CDH4: variants seen among roughly 807,000 people sequenced by gnomAD.
CDH4 encodes the protein cadherin 4, also known as cadherin-4.
Under a neutral mutation model 86.0 loss-of-function variants are expected in CDH4, and 33 were observed. The ratio of observed to expected loss-of-function variants is 0.38; its 90% CI spans 0.29 to 0.51. The LOEUF (loss-of-function observed/expected upper bound fraction) is 0.51, where lower values mean the gene tolerates loss of function less well. CDH4 is among the 20% of genes least tolerant of loss of function. The pLI, the probability that CDH4 is intolerant of heterozygous loss-of-function variation, is 0.86. For missense variants in CDH4, 1,114 were observed against 1,307.4 expected, an observed-to-expected ratio of 0.85 and a Z score of 2.28; for synonymous variants, 555 against 549.4, an observed-to-expected ratio of 1.01 and a Z score of -0.14.
chr20:61,844,132 A>G (rs1005783602), intron 4 of CDH4, among the ~76,000 whole-genome samples: 1 of 152,154 alleles, frequency 6.6e-6, no homozygotes, highest in Non-Finnish European at 1.5e-5. Context: ...ATCCCAAGTA[A>G]AACTCAGAGT....
At chr20:61,589,292 G>T (rs978470772) in intron 2 of CDH4, among the ~76,000 whole-genome samples, 3 of 152,190 alleles carry the variant, frequency 2.0e-5, no homozygotes, top group African/African-American at 7.2e-5. Flanking sequence ...TTCTGTCTAA[G>T]CATGAAGAGA....
intron 4 of CDH4, among the ~76,000 whole-genome samples, chr20:61,833,830 T>TA (rs1266255668): frequency 6.6e-6 from 1 of 152,180 alleles, no homozygotes; most frequent in Non-Finnish European, 1.5e-5. Flanking sequence ...AGGCTGGATT[T>TA]AAAAAATCCC....
intron 2 of CDH4, chr20:61,738,891 A>T (rs1040296375): frequency 6.6e-6 from 1 of 152,462 alleles, no homozygotes; most frequent in African/African-American, 2.4e-5. Flanking sequence ...TATCTGCGAG[A>T]TGGGCCAGTT....
chr20:61,565,516 G>A (rs1031129651), intron 2 of CDH4, among the ~76,000 whole-genome samples: 3 of 152,012 alleles, frequency 2.0e-5, no homozygotes, highest in Non-Finnish European at 2.9e-5. Flanking sequence ...GCTGTTTCAG[G>A]CATTTCTTCC....
chr20:61,848,118 C>T (rs1982541680), intron 5 of CDH4, among the ~76,000 whole-genome samples: 1 of 152,260 alleles, frequency 6.6e-6, no homozygotes, highest in African/African-American at 2.4e-5. Flanking sequence ...CTGCAGCAAA[C>T]CCCCAGAAAG....
chr20:61,574,444 G>A (rs1373116650), intron 2 of CDH4, among the ~76,000 whole-genome samples: 2 of 152,212 alleles, frequency 1.3e-5, no homozygotes, highest in East Asian at 3.9e-4. Flanking sequence ...ATTGCTGCCA[G>A]AGACAGAGTT....
At chr20:61,857,674 C>T (rs1418334736) in intron 6 of CDH4, among the ~76,000 whole-genome samples, 2 of 152,224 alleles carry the variant, frequency 1.3e-5, no homozygotes, top group African/African-American at 2.4e-5. Flanking sequence ...AATGACTTCT[C>T]AAAAAATCTT....
intron 2 of CDH4, chr20:61,718,013 C>T (rs901698933): frequency 5.2e-5 from 8 of 152,422 alleles, no homozygotes; most frequent in African/African-American, 1.9e-4. Flanking sequence ...TCACACATCA[C>T]ATCCTCAGCA....
rs1040160642 is a variant in CDH4, at chr20:61,459,427, C to A, written c.169+204490C>A. 4.0e-5 allele frequency among the ~76,000 whole-genome samples: 6 copies of A among 151,628 alleles called. 1 individual carries two copies. The highest frequency in any genetic ancestry group is 2.6e-4 in the Admixed American group (4 of 15,198). On this transcript the variant is annotated intron_variant, in intron 2 of 15. Coordinates refer to ENST00000614565, the MANE Select transcript of CDH4 (RefSeq NM_001794.5). ...CCCACCTGATCACACTGCAGTTCTT[C>A]ACTGGTCACGTATTGGTATTGTGTA...
At position 61,902,690 on chromosome 20, in the gene CDH4, C is replaced by T. The variant is rs35437603; in HGVS notation, c.1188+7643C>T. ...TCCCAATAAACTTTATTTACAAAAA[C>T]AAAAAGATTCAGGCCACAGGCTTGT... On this transcript the variant is annotated intron_variant, in intron 8 of 15. Coordinates refer to ENST00000614565, the MANE Select transcript of CDH4 (RefSeq NM_001794.5). This position sits in a 1 kb window ranked among gnomAD's most constrained non-coding sequence, Gnocchi z 4.6. Among the ~76,000 whole-genome samples the T allele has an allele frequency of 0.049, 7,530 of 152,248 alleles. 215 individuals carry two copies. The highest frequency in any genetic ancestry group is 0.062 in the Non-Finnish European group (4,188 of 68,006).
At chr20:61,808,744 A>G (rs1020223804) in intron 4 of CDH4, among the ~76,000 whole-genome samples, 1 of 152,222 alleles carries the variant, frequency 6.6e-6, no homozygotes, top group Non-Finnish European at 1.5e-5. Flanking sequence ...CATATTGTCC[A>G]GTCCAGGCGC....
At chr20:61,467,528 C>T (rs767604714) in intron 2 of CDH4, among the ~76,000 whole-genome samples, 5 of 152,130 alleles carry the variant, frequency 3.3e-5, no homozygotes, top group East Asian at 1.9e-4. Flanking sequence ...AGGCCAAGGC[C>T]GAAGGATCTC....
At chr20:61,499,281 C>A (rs1003546391) in intron 2 of CDH4, 47 of 177,034 alleles carry the variant, frequency 2.7e-4, no homozygotes, top group African/African-American at 1.0e-3. Context: ...GGGGGCACAG[C>A]CCCGGACCTT....
intron 2 of CDH4, among the ~76,000 whole-genome samples, chr20:61,726,058 G>A (rs56130140): frequency 0.093 from 14,126 of 152,046 alleles, 1,093 homozygotes; most frequent in African/African-American, 0.21. Context: ...TTTCAGAGAC[G>A]ACAGGAGCCA....
At chr20:61,866,363 A>T (rs1171622114) in intron 6 of CDH4, among the ~76,000 whole-genome samples, 1 of 152,114 alleles carries the variant, frequency 6.6e-6, no homozygotes, top group African/African-American at 2.4e-5. Flanking sequence ...GAATTTGCTG[A>T]GTGGGCACAT....
chr20:61,574,788 A>G (rs1277606171), intron 2 of CDH4, among the ~76,000 whole-genome samples: 2 of 152,090 alleles, frequency 1.3e-5, no homozygotes, highest in Non-Finnish European at 2.9e-5. Flanking sequence ...TGGACCCCTT[A>G]TAAAGCTTTG....
intron 2 of CDH4, among the ~76,000 whole-genome samples, chr20:61,291,848 C>T (rs2084323154): frequency 6.6e-6 from 1 of 152,184 alleles, no homozygotes; most frequent in Admixed American, 6.5e-5. Flanking sequence ...TCTCCCAGGA[C>T]CTAAGCCCGA....
At chr20:61,905,441 G>A (rs1374818192) in intron 8 of CDH4, among the ~76,000 whole-genome samples, 1 of 152,162 alleles carries the variant, frequency 6.6e-6, no homozygotes, top group Non-Finnish European at 1.5e-5. Flanking sequence ...TAAAACAGCA[G>A]ACAACACCAG....
At chr20:61,547,436 G>C (rs13037306) in intron 2 of CDH4, among the ~76,000 whole-genome samples, 87,597 of 151,366 alleles carry the variant, frequency 0.58, 27,582 homozygotes, top group South Asian at 0.7. Context: ...GGATGGTCTC[G>C]ATCTCCTGAC....
Sources: gnomAD v4.1 joint callset for allele counts (sites outside exome capture counted in the v4.1 genomes callset) on GRCh38, gnomAD v4.1.1 for gene constraint, Gnocchi (gnomAD v3.1) non-coding constraint, MANE v1.5 for transcripts, NCBI Gene and HGNC (gene_info 2026-07-23, HGNC 2026-07-21) for gene names.